TP73: variants seen among roughly 807,000 people sequenced by gnomAD.
TP73 encodes tumor protein p73, also known as p53-like transcription factor.
TP73 carries 25 observed loss-of-function variants against 62.5 expected under a neutral mutation model. The ratio of observed to expected loss-of-function variants is 0.40; its 90% CI spans 0.29 to 0.56. TP73 has a LOEUF of 0.56. Among genes scored for constraint, TP73 ranks in the 20% least tolerant of loss-of-function variants. The pLI is 0.46. For missense variants in TP73, 754 were observed against 913.3 expected, an observed-to-expected ratio of 0.83 and a Z score of 2.25; for synonymous variants, 423 against 377.5, an observed-to-expected ratio of 1.12 and a Z score of -1.40.
At chr1:3,679,970 CCTGTCT>C (rs1216372429) in intron 1 of TP73, among the ~76,000 whole-genome samples, 1 of 149,916 alleles carries the variant, frequency 6.7e-6, no homozygotes, top group East Asian at 2.0e-4. Context: ...TCTCTTTGTC[CCTGTCT>C]CTCTGTCTCT....
At chr1:3,722,978 C>A (rs779337408) in intron 5 of TP73, among the ~76,000 whole-genome samples, 1 of 142,830 alleles carries the variant, frequency 7.0e-6, no homozygotes, top group East Asian at 2.2e-4. Context: ...GGGCTGGGCA[C>A]CTCTGCATCT....
chr1:3,723,206 G>A (rs1027401112), intron 5 of TP73, 148 bp from the exon 6 acceptor site: 7 of 655,562 alleles, frequency 1.1e-5, no homozygotes, highest in Non-Finnish European at 1.9e-5. Flanking sequence ...GCACTTCTTT[G>A]AACCTGGCAC....
chr1:3,715,936 T>G (rs1338740435), intron 4 of TP73, among the ~76,000 whole-genome samples: 1 of 151,892 alleles, frequency 6.6e-6, no homozygotes, highest in Non-Finnish European at 1.5e-5. Flanking sequence ...AGGCTCCAGC[T>G]CCTGTGGTCT....
In TP73 at chr1:3,690,881, G is replaced by C. The variant is rs372981267; in HGVS notation, c.186+7701G>C. On this transcript the variant is annotated intron_variant, in intron 3 of 13. Coordinates refer to ENST00000378295, the MANE Select transcript of TP73 (RefSeq NM_005427.4). ...TCCCACGGGACACCAGTTCCCTGGC[G>C]TGTGCAGACCCCCCGGCGCCTACCA... 6 of 1,567,736 alleles carry C rather than the reference G, an allele frequency of 3.8e-6. No individual in the cohort carries two copies. The South Asian group carries it at 7.0e-5, about 18-fold the overall frequency.
chr1:3,718,116 A>T (rs1193219441), intron 4 of TP73, among the ~76,000 whole-genome samples: 1 of 151,530 alleles, frequency 6.6e-6, no homozygotes, highest in Non-Finnish European at 1.5e-5. Flanking sequence ...GCCGCTCCAC[A>T]CTCCAGTCCG....
At position 3,706,237 on chromosome 1, in the gene TP73, G is replaced by T. The variant is rs1052887145; in HGVS notation, c.187-1312G>T. ...GACCTTTGTGCCGTCTGCTGGGGCC[G>T]CTAGATCACTGGGGTCAATCGTTTC... On this transcript the variant is annotated intron_variant, in intron 3 of 13. Coordinates refer to ENST00000378295, the MANE Select transcript of TP73 (RefSeq NM_005427.4). 2.8e-4 allele frequency among the ~76,000 whole-genome samples: 43 copies of T among 152,234 alleles called. 1 individual carries two copies. Among genetic ancestry groups the T allele is most frequent in the African/African-American group, 1.0e-3 (43 of 41,552 alleles).
intron 1 of TP73, among the ~76,000 whole-genome samples, chr1:3,674,299 G>A (rs1227500861): frequency 1.3e-5 from 2 of 152,232 alleles, no homozygotes; most frequent in Non-Finnish European, 2.9e-5. Flanking sequence ...GTGGGCCACG[G>A]CCCAGGAGAG....
intron 3 of TP73, among the ~76,000 whole-genome samples, chr1:3,704,122 G>A (rs546615658): frequency 6.6e-6 from 1 of 152,328 alleles, no homozygotes; most frequent in Non-Finnish European, 1.5e-5. Flanking sequence ...AGCCTTTCAA[G>A]CAGCCACGCT....
At chr1:3,706,895 G>A (rs561629272) in intron 3 of TP73, among the ~76,000 whole-genome samples, 63 of 152,252 alleles carry the variant, frequency 4.1e-4, no homozygotes, top group African/African-American at 7.7e-4. Context: ...AGGCTTTGCC[G>A]GCCCCTGAGC....
intron 1 of TP73, chr1:3,668,720 A>T (rs1452360816): frequency 6.6e-6 from 1 of 152,314 alleles, no homozygotes; most frequent in Non-Finnish European, 1.5e-5. Flanking sequence ...CAGAGGTCAG[A>T]GTGATGAGAG....
At position 3,707,259 on chromosome 1, in the gene TP73, C is replaced by G. The variant is rs115837533; in HGVS notation, c.187-290C>G. Among the ~76,000 whole-genome samples, 10 of 152,278 alleles carry G rather than the reference C, an allele frequency of 6.6e-5. No homozygotes were observed. The East Asian group carries it at 1.4e-3, about 21-fold the overall frequency. On this transcript the variant is annotated intron_variant, in intron 3 of 13. Coordinates refer to ENST00000378295, the MANE Select transcript of TP73 (RefSeq NM_005427.4). ...TCAGGGCCTGGGAGCCTCCCCCACC[C>G]GACGCCTCCCCTCCAGGTGTGCAGA...
At chr1:3,676,842 G>A (rs1645384048) in intron 1 of TP73, among the ~76,000 whole-genome samples, 1 of 151,848 alleles carries the variant, frequency 6.6e-6, no homozygotes, top group Non-Finnish European at 1.5e-5. Context: ...CTCCGCCACG[G>A]CCCCGACAGC....
At chr1:3,705,781 C>T (rs886604446) in intron 3 of TP73, among the ~76,000 whole-genome samples, 15 of 152,234 alleles carry the variant, frequency 9.9e-5, no homozygotes, top group East Asian at 3.8e-4. Context: ...TCAGAGAGGA[C>T]GCAAACTCTG....
At chr1:3,676,486 C>T (rs1244304170) in intron 1 of TP73, among the ~76,000 whole-genome samples, 1 of 142,074 alleles carries the variant, frequency 7.0e-6, no homozygotes, top group Non-Finnish European at 1.5e-5. Context: ...GGAGGGAATG[C>T]TTGGGACAGG....
rs138577571 is a variant in TP73 at position 3,662,898 on chromosome 1, C to T, written c.-34+10257C>T. Among the ~76,000 whole-genome samples, 19 of 152,314 alleles carry T rather than the reference C, an allele frequency of 1.2e-4. No homozygotes were observed. Among genetic ancestry groups the T allele is most frequent in the African/African-American group, 4.3e-4 (18 of 41,572 alleles). On this transcript the variant is annotated intron_variant, in intron 1 of 13. Transcript: ENST00000378295. This position sits in a 1 kb window ranked among gnomAD's most constrained non-coding sequence, Gnocchi z 4.4. ...ATGGGGCTGCCTCTTCCAGCAGCTCCGAGCGCTCTCAGAGAAAAACGAAAT... is the reference window on the plus strand; with the variant it reads ...ATGGGGCTGCCTCTTCCAGCAGCTCTGAGCGCTCTCAGAGAAAAACGAAAT...
intron 3 of TP73, among the ~76,000 whole-genome samples, chr1:3,691,453 G>A (rs1315369717): frequency 2.0e-5 from 3 of 152,130 alleles, no homozygotes; most frequent in East Asian, 1.9e-4. Flanking sequence ...TCAGCCCCAC[G>A]GGCTCTTCTC....
At chr1:3,657,774 C>T (rs1027926558) in intron 1 of TP73, among the ~76,000 whole-genome samples, 5 of 152,154 alleles carry the variant, frequency 3.3e-5, no homozygotes, top group African/African-American at 1.2e-4. Flanking sequence ...CAGCCCCCCT[C>T]TCCCCCAGCA....
intron 3 of TP73, among the ~76,000 whole-genome samples, chr1:3,702,684 A>G (rs1353601198): frequency 1.1e-4 from 16 of 152,226 alleles, no homozygotes; most frequent in Admixed American, 1.0e-3. Context: ...GCTGGCGGGA[A>G]GGCCACCCGC....
Position 3,662,903 on chromosome 1 carries a change from G to A in TP73, c.-34+10262G>A, listed in dbSNP as rs564096991. Among the ~76,000 whole-genome samples the A allele has an allele frequency of 2.0e-5, 3 of 152,338 alleles. No homozygotes were observed. The highest frequency in any genetic ancestry group is 2.1e-4 in the South Asian group (1 of 4,826). ...GCTGCCTCTTCCAGCAGCTCCGAGCGCTCTCAGAGAAAAACGAAATTCTCT... is the reference window on the plus strand; with the variant it reads ...GCTGCCTCTTCCAGCAGCTCCGAGCACTCTCAGAGAAAAACGAAATTCTCT... On this transcript the variant is annotated intron_variant, in intron 1 of 13. Transcript: ENST00000378295. This position sits in a 1 kb window ranked among gnomAD's most constrained non-coding sequence, Gnocchi z 4.4.
Sources: gnomAD v4.1 joint callset for allele counts (sites outside exome capture counted in the v4.1 genomes callset) on GRCh38, gnomAD v4.1.1 for gene constraint, Gnocchi (gnomAD v3.1) non-coding constraint, MANE v1.5 for transcripts, NCBI Gene and HGNC (gene_info 2026-07-23, HGNC 2026-07-21) for gene names.